The following UBE2J1 variants were observed in gnomAD, a reference collection of about 807,000 sequenced individuals.
UBE2J1 encodes ubiquitin conjugating enzyme E2 J1.
Under a neutral mutation model 42.1 loss-of-function variants are expected in UBE2J1, and 17 were observed. The ratio of observed to expected loss-of-function variants is 0.40; its 90% CI spans 0.28 to 0.61. The LOEUF (loss-of-function observed/expected upper bound fraction) is 0.61. Among genes scored for constraint, UBE2J1 ranks in the 20% least tolerant of loss-of-function variants. The probability of loss-of-function intolerance (pLI) is 0.38; values close to 1 mark genes in which losing one functional copy is unlikely to be tolerated. For synonymous variants in UBE2J1, 127 were observed against 137.2 expected (o/e 0.93, Z 0.52); for missense variants, 291 against 389.4 (o/e 0.75, Z 2.13).
intron 1 of UBE2J1, among the ~76,000 whole-genome samples, chr6:89,346,800 A>G (rs1768373576): frequency 6.6e-6 from 1 of 152,208 alleles, no homozygotes; most frequent in African/African-American, 2.4e-5. Context: ...TCCTTGCTCT[A>G]TGCCATCATA....
In UBE2J1 at chr6:89,333,119, A is replaced by G; in HGVS notation, c.645T>C (p.Pro215=). 1 of 1,612,980 alleles carries G rather than the reference A, an allele frequency of 6.2e-7. No homozygotes were observed. Among genetic ancestry groups the G allele is most frequent in the East Asian group, 2.2e-5 (1 of 44,834 alleles). ...TGGCCGTAGCACCCTGGAATGTTGT[A>G]GGTATATCATCTTGTAAATCAGTTA... The part of the protein sequence containing the change: ...FSLTDLQDDI[P]TTFQGATAST... The change falls in exon 7 of 8, where the codon CCT becomes CCC. Residue 215 remains proline, a synonymous_variant. Coordinates refer to ENST00000435041, the MANE Select transcript of UBE2J1 (RefSeq NM_016021.3).
rs1404151074 is a variant in UBE2J1, at chr6:89,329,150, T to C, written c.*529A>G. Reference sequence around the variant, plus strand: ...AAATAAAATTATTTTCACTGAAGAATGTTTAGGACACAAATAAAGTCACAG... The same window carrying C: ...AAATAAAATTATTTTCACTGAAGAACGTTTAGGACACAAATAAAGTCACAG... On this transcript the variant is annotated 3_prime_UTR_variant, in exon 8 of 8. Transcript: ENST00000435041. 6.5e-6 allele frequency: 1 copy of C among 153,182 alleles called. No individual in the cohort carries two copies. Among genetic ancestry groups the C allele is most frequent in the African/African-American group, 2.4e-5 (1 of 41,466 alleles). 9.5% of individuals were successfully genotyped at this position (153,182 alleles called of 1,614,324 possible). A position where few individuals can be genotyped will look rare whatever the true frequency, so the allele number is the denominator to read the frequency against.
intron 1 of UBE2J1, among the ~76,000 whole-genome samples, chr6:89,347,357 G>A (rs191017345): frequency 1.2e-4 from 18 of 152,198 alleles, no homozygotes; most frequent in East Asian, 5.8e-4. Flanking sequence ...TTCATTCCTC[G>A]TCAACTGGCT....
chr6:89,346,556 C>T (rs1308749618), intron 1 of UBE2J1, among the ~76,000 whole-genome samples: 2 of 152,178 alleles, frequency 1.3e-5, no homozygotes, highest in African/African-American at 2.4e-5. Context: ...CGGCCCCATC[C>T]TCCGCCTCAC....
intron 1 of UBE2J1, among the ~76,000 whole-genome samples, chr6:89,345,884 G>T (rs1466435345): frequency 6.7e-6 from 1 of 150,350 alleles, no homozygotes; most frequent in Non-Finnish European, 1.5e-5. Flanking sequence ...TCCAGCCTGG[G>T]CAACAAGAGC....
chr6:89,343,148 T>TA (rs1768281534), intron 2 of UBE2J1, among the ~76,000 whole-genome samples: 1 of 152,064 alleles, frequency 6.6e-6, no homozygotes, highest in African/African-American at 2.4e-5. Flanking sequence ...ACTCAAGATC[T>TA]AACCTCGGCC....
chr6:89,345,782 C>T (rs1320073946), intron 1 of UBE2J1, among the ~76,000 whole-genome samples: 1 of 151,468 alleles, frequency 6.6e-6, no homozygotes, highest in African/African-American at 2.4e-5. Context: ...TGGCACATGC[C>T]TATAATCCCA....
intron 2 of UBE2J1, 121 bp from the exon 3 acceptor site, chr6:89,342,576 G>A: frequency 1.2e-6 from 1 of 868,948 alleles, no homozygotes; most frequent in South Asian, 2.1e-5. Flanking sequence ...TGCTAGTATA[G>A]TTTCTAATGC....
chr6:89,330,243 T>TA lies in UBE2J1; in HGVS notation c.679-287dup, dbSNP rs1427599432. 2.0e-5 allele frequency among the ~76,000 whole-genome samples: 3 copies of TA among 152,306 alleles called. No individual in the cohort carries two copies. In the East Asian group the frequency reaches 5.8e-4, roughly 29 times the overall value. ...TAGATGATATTTTAACACATACGCTTAATGAAAATATGTATATACATATAA... is the reference window on the plus strand; with the variant it reads ...TAGATGATATTTTAACACATACGCTTAAATGAAAATATGTATATACATATAA... On this transcript the variant is annotated intron_variant, in intron 7 of 7. Transcript: ENST00000435041.
intron 1 of UBE2J1, 116 bp downstream of exon 1, chr6:89,352,423 G>T: frequency 2.4e-6 from 3 of 1,225,368 alleles, no homozygotes; most frequent in Non-Finnish European, 3.4e-6. Flanking sequence ...CGCGTAGAGC[G>T]CGAAACCAGG....
In UBE2J1 at chr6:89,326,912, T is replaced by C. The variant is rs79282636; in HGVS notation, c.*2767A>G. ...AGGTTTACCTGTTTTCTGATTCTGA[T>C]CTATAAAAATGGGTGGTCTCAAAAG... On this transcript the variant is annotated 3_prime_UTR_variant, in exon 8 of 8. Coordinates refer to ENST00000435041, the MANE Select transcript of UBE2J1 (RefSeq NM_016021.3). 6,825 of 152,582 alleles carry C rather than the reference T, an allele frequency of 0.045. 212 individuals carry two copies. Among genetic ancestry groups the C allele is most frequent in the Non-Finnish European group, 0.064 (4,361 of 68,004 alleles). The allele number at this position is 152,582 out of a possible 1,614,324, so 9.5% of individuals were successfully genotyped here.
At chr6:89,345,846 G>A (rs1768352686) in intron 1 of UBE2J1, among the ~76,000 whole-genome samples, 2 of 151,758 alleles carry the variant, frequency 1.3e-5, no homozygotes, top group Non-Finnish European at 2.9e-5. Flanking sequence ...AGTGGAGGCT[G>A]CAGTGAGCTG....
intron 1 of UBE2J1, among the ~76,000 whole-genome samples, chr6:89,351,270 C>T (rs1237959710): frequency 2.6e-5 from 4 of 151,514 alleles, no homozygotes; most frequent in Non-Finnish European, 5.9e-5. Flanking sequence ...TTAGTAGAGA[C>T]GGGGTTTCAC....
chr6:89,343,991 TTTAA>T (rs1488722368), intron 1 of UBE2J1, among the ~76,000 whole-genome samples: 13 of 152,214 alleles, frequency 8.5e-5, no homozygotes, highest in Non-Finnish European at 1.5e-4. Context: ...ACTATTTTTA[TTTAA>T]TAAGTACTTA....
At chr6:89,350,268 A>G (rs1293124787) in intron 1 of UBE2J1, among the ~76,000 whole-genome samples, 2 of 152,226 alleles carry the variant, frequency 1.3e-5, no homozygotes, top group Non-Finnish European at 2.9e-5. Context: ...TACATCAAAG[A>G]CAATCCCACA....
At chr6:89,331,451 C>T (rs562130923) in intron 7 of UBE2J1, among the ~76,000 whole-genome samples, 2 of 152,258 alleles carry the variant, frequency 1.3e-5, no homozygotes, top group East Asian at 3.9e-4. Flanking sequence ...CTCTAATTTA[C>T]TTAAACTTCT....
intron 5 of UBE2J1, among the ~76,000 whole-genome samples, chr6:89,336,469 TTTTA>T (rs752500458): frequency 0.062 from 1,643 of 26,426 alleles, 13 homozygotes; most frequent in South Asian, 0.27. Context: ...TTTTATTTTA[TTTTA>T]TTTTTTTTTT....
chr6:89,338,653 G>GTTTTTTTTTTT (rs1486254673), intron 3 of UBE2J1, 110 bp from the exon 4 acceptor site: 5 of 120,564 alleles, frequency 4.1e-5, no homozygotes, highest in African/African-American at 1.4e-4. Flanking sequence ...ATCTTAAAAA[G>GTTTTTTTTTTT]TTTGTTTTTT....
intron 1 of UBE2J1, among the ~76,000 whole-genome samples, chr6:89,349,408 T>G (rs1768423418): frequency 6.6e-6 from 1 of 152,170 alleles, no homozygotes; most frequent in South Asian, 2.1e-4. Flanking sequence ...TTTGTTTTGA[T>G]TGATCTGGTG....
Sources: allele counts gnomAD v4.1 joint callset (sites outside exome capture counted in the v4.1 genomes callset), GRCh38; gene constraint gnomAD v4.1.1; transcripts MANE v1.5; gene names NCBI Gene and HGNC (gene_info 2026-07-23, HGNC 2026-07-21).